The following HCRTR2 variants were observed in gnomAD, a reference collection of about 807,000 sequenced individuals.
HCRTR2 encodes hypocretin receptor 2, also known as orexin receptor type 2.
In HCRTR2, 22 loss-of-function variants were observed where a neutral mutation model predicts 49.0. The observed-to-expected ratio is 0.45, with a 90% CI of 0.32 to 0.64. HCRTR2 has a LOEUF of 0.64. Ranked by LOEUF, HCRTR2 falls within the 30% of genes least tolerant of loss-of-function variation. The pLI is 0.04. For synonymous variants in HCRTR2, 236 were observed against 205.3 expected, an observed-to-expected ratio of 1.15 and a Z score of -1.28; for missense variants, 491 against 559.4, an observed-to-expected ratio of 0.88 and a Z score of 1.23.
chr6:55,280,486 A>G (rs1767168328), intron 6 of HCRTR2, 42 bp downstream of exon 6: 1 of 1,608,584 alleles, frequency 6.2e-7, no homozygotes, highest in Non-Finnish European at 8.5e-7. Context: ...AATTGTAACC[A>G]AGGATGAGGA....
chr6:55,188,840 G>T (rs1765268675), intron 1 of HCRTR2, among the ~76,000 whole-genome samples: 2 of 152,172 alleles, frequency 1.3e-5, no homozygotes, highest in South Asian at 4.1e-4. Flanking sequence ...TTGACATGGG[G>T]AAAGAAATAC....
At chr6:55,108,954 A>T (rs900782358) in intron 1 of HCRTR2, among the ~76,000 whole-genome samples, 4 of 152,094 alleles carry the variant, frequency 2.6e-5, no homozygotes, top group African/African-American at 9.7e-5. Context: ...GGCTGCCTGC[A>T]TATAAACTCG....
chr6:55,277,864 T>G (rs1767108871), intron 5 of HCRTR2, among the ~76,000 whole-genome samples: 2 of 152,174 alleles, frequency 1.3e-5, no homozygotes, highest in South Asian at 4.1e-4. Flanking sequence ...TCAAGCTAGT[T>G]GCTAAACCTT....
intron 1 of HCRTR2, among the ~76,000 whole-genome samples, chr6:55,246,419 T>C (rs979940062): frequency 6.6e-6 from 1 of 151,902 alleles, no homozygotes; most frequent in Non-Finnish European, 1.5e-5. Context: ...ACTCAAGGGC[T>C]CCAGCAGGTT....
At chr6:55,270,699 T>C (rs187305491) in intron 4 of HCRTR2, among the ~76,000 whole-genome samples, 81 of 152,296 alleles carry the variant, frequency 5.3e-4, no homozygotes, top group African/African-American at 1.9e-3. Context: ...ATTGGGTGTT[T>C]ATAAAATGTA....
intron 1 of HCRTR2, among the ~76,000 whole-genome samples, chr6:55,127,833 G>T (rs1764302279): frequency 6.6e-6 from 1 of 152,050 alleles, no homozygotes; most frequent in Non-Finnish European, 1.5e-5. Context: ...TTTATCACTA[G>T]ATGAATAGTT....
rs538179787 is a variant in HCRTR2, at chr6:55,278,861, ATTCT to A, written c.983+1270_983+1273del. Among the ~76,000 whole-genome samples, 8 of 151,494 alleles carry A rather than the reference ATTCT, an allele frequency of 5.3e-5. No homozygotes were observed. In the South Asian group the frequency reaches 1.5e-3, roughly 28 times the overall value. The stretch of plus-strand genomic sequence containing the variant: ...CATGTTATGTTACTGGATGGGTTTT[ATTCT>A]TTCTTTCTCTTTCTAATCTTTTTTC... On this transcript the variant is annotated intron_variant, in intron 5 of 6. Transcript: ENST00000370862.
intron 1 of HCRTR2, among the ~76,000 whole-genome samples, chr6:55,141,998 TCAAA>T (rs1224011413): frequency 7.2e-5 from 11 of 152,222 alleles, no homozygotes; most frequent in African/African-American, 1.9e-4. Flanking sequence ...CACATTATAA[TCAAA>T]GAAAGTACAA....
At chr6:55,225,674 C>A (rs1765990801) in intron 1 of HCRTR2, among the ~76,000 whole-genome samples, 1 of 152,166 alleles carries the variant, frequency 6.6e-6, no homozygotes, top group Non-Finnish European at 1.5e-5. Context: ...ATTCCATATA[C>A]ATAAACTAAT....
At chr6:55,240,722 C>T in intron 1 of HCRTR2, 1 of 372,700 alleles carries the variant, frequency 2.7e-6, no homozygotes, top group Non-Finnish European at 5.3e-6. Context: ...TAAGATAATA[C>T]TCCTGGTCAG....
intron 1 of HCRTR2, among the ~76,000 whole-genome samples, chr6:55,230,956 C>T (rs1417246770): frequency 3.3e-5 from 5 of 151,950 alleles, no homozygotes; most frequent in Non-Finnish European, 5.9e-5. Flanking sequence ...AGAAGTATCA[C>T]ATCTAATCTT....
intron 1 of HCRTR2, among the ~76,000 whole-genome samples, chr6:55,166,898 A>C (rs1400868061): frequency 2.0e-5 from 3 of 152,140 alleles, no homozygotes; most frequent in African/African-American, 4.8e-5. Context: ...AGACACTAAA[A>C]CATGGAAGAA....
chr6:55,124,023 TTGTC>T (rs1764239988), intron 1 of HCRTR2, among the ~76,000 whole-genome samples: 1 of 152,142 alleles, frequency 6.6e-6, no homozygotes, highest in African/African-American at 2.4e-5. Context: ...CTTTTCTTCT[TTGTC>T]TGTCTAGCAG....
At chr6:55,133,550 T>G (rs4428503) in intron 1 of HCRTR2, among the ~76,000 whole-genome samples, 46,533 of 151,724 alleles carry the variant, frequency 0.31, 9,226 homozygotes, top group East Asian at 0.79. Flanking sequence ...ATTGATGACC[T>G]CACTAACATC....
At chr6:55,228,418 T>A (rs1766052949) in intron 1 of HCRTR2, among the ~76,000 whole-genome samples, 1 of 152,194 alleles carries the variant, frequency 6.6e-6, no homozygotes, top group African/African-American at 2.4e-5. Flanking sequence ...TGCTGCTTCT[T>A]AGCATCTTTG....
chr6:55,126,568 G>T (rs902018937), intron 1 of HCRTR2, among the ~76,000 whole-genome samples: 1 of 152,088 alleles, frequency 6.6e-6, no homozygotes, highest in Non-Finnish European at 1.5e-5. Context: ...CCCAGTCAAG[G>T]GTTAAGGACC....
At chr6:55,234,046 G>A (rs928038870) in intron 1 of HCRTR2, among the ~76,000 whole-genome samples, 2 of 152,058 alleles carry the variant, frequency 1.3e-5, no homozygotes, top group African/African-American at 4.8e-5. Context: ...TATCTAAAAG[G>A]TCATTCTGTT....
intron 4 of HCRTR2, among the ~76,000 whole-genome samples, chr6:55,268,151 A>G (rs1441393508): frequency 6.6e-6 from 1 of 152,166 alleles, no homozygotes; most frequent in African/African-American, 2.4e-5. Flanking sequence ...TTAAGTTGCT[A>G]ATTTTAATTC....
intron 1 of HCRTR2, among the ~76,000 whole-genome samples, chr6:55,155,795 T>G (rs73743264): frequency 0.013 from 1,982 of 152,200 alleles, 47 homozygotes; most frequent in African/African-American, 0.045. Context: ...TCGTTGGCTA[T>G]CTTAGGAAAT....
Sources: allele counts gnomAD v4.1 joint callset (sites outside exome capture counted in the v4.1 genomes callset), GRCh38; gene constraint gnomAD v4.1.1; transcripts MANE v1.5; gene names NCBI Gene and HGNC (gene_info 2026-07-23, HGNC 2026-07-21).